SOX6: variants seen among roughly 807,000 people sequenced by gnomAD.
The protein encoded by SOX6 is SRY-box transcription factor 6, also known as transcription factor SOX-6.
In SOX6, 11 loss-of-function variants were observed where a neutral mutation model predicts 97.8. The ratio of observed to expected loss-of-function variants is 0.11; its 90% CI spans 0.07 to 0.19. The LOEUF is 0.19. Among genes scored for constraint, SOX6 ranks in the 10% least tolerant of loss-of-function variants. The probability of loss-of-function intolerance (pLI) is 1.00; values close to 1 mark genes in which losing one functional copy is unlikely to be tolerated. For missense variants in SOX6, 810 were observed against 1,039.5 expected (o/e 0.78, Z 3.04); for synonymous variants, 360 against 371.4 (o/e 0.97, Z 0.35).
chr11:16,191,952 A>T (rs1267256896), intron 4 of SOX6, among the ~76,000 whole-genome samples: 2 of 151,222 alleles, frequency 1.3e-5, no homozygotes, highest in African/African-American at 4.9e-5. Context: ...CAGGTGGATC[A>T]GTGCTCCCCA....
At chr11:16,395,699 G>T (rs769330374) in intron 1 of SOX6, among the ~76,000 whole-genome samples, 1 of 151,660 alleles carries the variant, frequency 6.6e-6, no homozygotes, top group Non-Finnish European at 1.5e-5. Context: ...CCCAAAGAAT[G>T]GTAGGTGGGG....
Position 16,432,787 on chromosome 11 carries a change from A to C in SOX6, c.-5+43528T>G, listed in dbSNP as rs531820575. 8.3e-4 allele frequency among the ~76,000 whole-genome samples: 127 copies of C among 152,188 alleles called. 1 individual carries two copies. The highest frequency in any genetic ancestry group is 6.8e-3 in the Middle Eastern group (2 of 294). On this transcript the variant is annotated intron_variant, in intron 1 of 15. Transcript: ENST00000396356. The stretch of plus-strand genomic sequence containing the variant: ...TAGTTAATCCAGTTAGTGTGCTCAC[A>C]TCATAGAAGGAGAAATGCTGATCTA...
At chr11:16,541,602 A>G (rs1344134051) in intron 4 of SOX6, among the ~76,000 whole-genome samples, 1 of 152,202 alleles carries the variant, frequency 6.6e-6, no homozygotes, top group Non-Finnish European at 1.5e-5. Flanking sequence ...TCTACAAAGA[A>G]GTTAAACAAA....
intron 3 of SOX6, among the ~76,000 whole-genome samples, chr11:16,713,656 A>C (rs1848197379): frequency 6.6e-6 from 1 of 152,222 alleles, no homozygotes; most frequent in Non-Finnish European, 1.5e-5. Context: ...ATAATAATAG[A>C]TAAAAGAAGG....
At chr11:16,708,971 T>C (rs1453564377) in intron 3 of SOX6, among the ~76,000 whole-genome samples, 4 of 152,218 alleles carry the variant, frequency 2.6e-5, no homozygotes, top group African/African-American at 7.2e-5. Context: ...TGGAAAAATA[T>C]GCATTGTGTA....
intron 4 of SOX6, among the ~76,000 whole-genome samples, chr11:16,578,612 G>C (rs1348589526): frequency 6.6e-6 from 1 of 152,062 alleles, no homozygotes; most frequent in East Asian, 1.9e-4. Flanking sequence ...CCTTCAAAGT[G>C]TTTAATTTTG....
chr11:16,458,583 T>C (rs1859857550), intron 1 of SOX6, among the ~76,000 whole-genome samples: 1 of 152,006 alleles, frequency 6.6e-6, no homozygotes, highest in South Asian at 2.1e-4. Flanking sequence ...TAACCATCTT[T>C]TATCGAATAC....
intron 4 of SOX6, among the ~76,000 whole-genome samples, chr11:16,533,430 T>G (rs925450031): frequency 2.6e-5 from 4 of 151,948 alleles, no homozygotes; most frequent in Non-Finnish European, 4.4e-5. Flanking sequence ...ATCTGAGAAG[T>G]CATATTCTGA....
chr11:16,194,536 T>C lies in SOX6; in HGVS notation c.536-7581A>G, dbSNP rs564778315. Among the ~76,000 whole-genome samples the C allele has an allele frequency of 3.3e-5, 5 of 152,294 alleles. No individual in the cohort carries two copies. In the South Asian group the frequency reaches 1.0e-3, roughly 32 times the overall value. ...GGCTGTTTGTTACTGTTGTTGTTGTTTTCTTTTTCACTGAATGTATGAGAA... is the reference window on the plus strand; with the variant it reads ...GGCTGTTTGTTACTGTTGTTGTTGTCTTCTTTTTCACTGAATGTATGAGAA... On this transcript the variant is annotated intron_variant, in intron 4 of 15. Coordinates refer to ENST00000683767, the MANE Select transcript of SOX6 (RefSeq NM_001367873.1).
At chr11:16,519,745 G>T (rs373634812) in intron 4 of SOX6, among the ~76,000 whole-genome samples, 1 of 151,982 alleles carries the variant, frequency 6.6e-6, no homozygotes, top group African/African-American at 2.4e-5. Context: ...GTCAGATAAC[G>T]GTAGTTTTAT....
chr11:16,202,709 C>T (rs1232851385), intron 4 of SOX6, among the ~76,000 whole-genome samples: 1 of 152,008 alleles, frequency 6.6e-6, no homozygotes, highest in Non-Finnish European at 1.5e-5. Flanking sequence ...AAGCTTATAC[C>T]TAGTCAGTTC....
At chr11:16,148,365 C>T (rs1468292013) in intron 6 of SOX6, among the ~76,000 whole-genome samples, 1 of 152,092 alleles carries the variant, frequency 6.6e-6, no homozygotes, top group East Asian at 1.9e-4. Flanking sequence ...AAACAACAGA[C>T]CCTGCTCTGT....
intron 9 of SOX6, among the ~76,000 whole-genome samples, chr11:16,080,333 A>C (rs1848447245): frequency 6.6e-6 from 1 of 151,962 alleles, no homozygotes; most frequent in Non-Finnish European, 1.5e-5. Context: ...GAGAGAAAGA[A>C]TAGTATAGTA....
intron 4 of SOX6, among the ~76,000 whole-genome samples, chr11:16,514,558 T>C (rs1860933877): frequency 6.6e-6 from 1 of 152,064 alleles, no homozygotes; most frequent in African/African-American, 2.4e-5. Flanking sequence ...TTTCTTTTAT[T>C]ATTATACTTT....
intron 15 of SOX6, among the ~76,000 whole-genome samples, chr11:15,973,373 G>C (rs1853374543): frequency 6.6e-6 from 1 of 152,086 alleles, no homozygotes; most frequent in South Asian, 2.1e-4. Context: ...CTTTTAACTT[G>C]GTAAATATGG....
intron 13 of SOX6, among the ~76,000 whole-genome samples, chr11:16,006,377 G>T (rs935148445): frequency 6.6e-6 from 1 of 151,942 alleles, no homozygotes; most frequent in African/African-American, 2.4e-5. Context: ...TCCTTAATAT[G>T]GCACCCATCT....
chr11:16,183,127 C>T (rs1304616625), intron 6 of SOX6, among the ~76,000 whole-genome samples: 1 of 151,808 alleles, frequency 6.6e-6, no homozygotes, highest in African/African-American at 2.4e-5. Context: ...TTCTAGAAGT[C>T]ACACACCTAT....
At chr11:16,682,355 C>A (rs995943637) in intron 3 of SOX6, among the ~76,000 whole-genome samples, 8 of 152,050 alleles carry the variant, frequency 5.3e-5, no homozygotes, top group Admixed American at 5.2e-4. Context: ...ACTGGCAAAC[C>A]AAATCCAGCA....
intron 2 of SOX6, among the ~76,000 whole-genome samples, chr11:16,728,584 C>T (rs1391578280): frequency 6.6e-6 from 1 of 152,170 alleles, no homozygotes; most frequent in African/African-American, 2.4e-5. Context: ...AGGTCACCAA[C>T]ATCAAAGACA....
Sources: gnomAD v4.1 joint callset for allele counts (sites outside exome capture counted in the v4.1 genomes callset) on GRCh38, gnomAD v4.1.1 for gene constraint, MANE v1.5 for transcripts, NCBI Gene and HGNC (gene_info 2026-07-23, HGNC 2026-07-21) for gene names.